KCNAB2: variants seen among roughly 807,000 people sequenced by gnomAD.
The protein encoded by KCNAB2 is voltage-gated potassium channel subunit beta-2.
Under a neutral mutation model 63.6 loss-of-function variants are expected in KCNAB2, and 29 were observed. The ratio of observed to expected loss-of-function variants is 0.46; its 90% CI spans 0.34 to 0.62. The LOEUF (loss-of-function observed/expected upper bound fraction) is 0.62. Among genes scored for constraint, KCNAB2 ranks in the 20% least tolerant of loss-of-function variants. The pLI is 0.01. For missense variants in KCNAB2, 359 were observed against 563.9 expected, an observed-to-expected ratio of 0.64 and a Z score of 3.68; for synonymous variants, 222 against 224.2, an observed-to-expected ratio of 0.99 and a Z score of 0.09.
chr1:6,087,429 G>A lies in KCNAB2; in HGVS notation c.426-38G>A, dbSNP rs200322816. Reference sequence around the variant, plus strand: ...GATGAAGGAGGACCCCCCAGGGGCCGGGCTTATCACACCCCTTCTTTCTCT... The same window carrying A: ...GATGAAGGAGGACCCCCCAGGGGCCAGGCTTATCACACCCCTTCTTTCTCT... On this transcript the variant is annotated intron_variant, in intron 6 of 15. Transcript: ENST00000378083. This position sits in a 1 kb window ranked among gnomAD's most constrained non-coding sequence, Gnocchi z 6.4. The A allele has an allele frequency of 5.4e-5, 87 of 1,610,772 alleles. No homozygotes were observed. Among genetic ancestry groups the A allele is most frequent in the African/African-American group, 5.2e-4 (39 of 74,988 alleles).
rs768085344 is a variant in KCNAB2, at chr1:6,100,164, G to A, written c.*1590G>A. 5 of 1,319,986 alleles carry A rather than the reference G, an allele frequency of 3.8e-6. No individual in the cohort carries two copies. Among genetic ancestry groups the A allele is most frequent in the Non-Finnish European group, 4.0e-6 (4 of 1,011,028 alleles). The allele number at this position is 1,319,986 out of a possible 1,614,324, so 81.8% of individuals were successfully genotyped here. On this transcript the variant is annotated 3_prime_UTR_variant, in exon 16 of 16. Coordinates refer to ENST00000378083, the MANE Select transcript of KCNAB2 (RefSeq NM_001199862.2). The stretch of plus-strand genomic sequence containing the variant: ...GAGCCTGCTGTCCAGTCCTGGCCGG[G>A]CCAAGGCCTGGGAAACTGTGAAAGT...
intron 1 of KCNAB2, among the ~76,000 whole-genome samples, chr1:6,020,508 T>C (rs1040873668): frequency 2.6e-5 from 4 of 151,992 alleles, no homozygotes; most frequent in African/African-American, 4.8e-5. Context: ...CGCGTCCCTT[T>C]CCAAGCAGAA....
At chr1:6,001,941 C>CTCGATG (rs1450053217) in intron 1 of KCNAB2, among the ~76,000 whole-genome samples, 1 of 152,172 alleles carries the variant, frequency 6.6e-6, no homozygotes, top group African/African-American at 2.4e-5. Flanking sequence ...ACTGAGCCCC[C>CTCGATG]TCGATGTCCT....
chr1:6,049,510 C>T (rs1465927547), intron 1 of KCNAB2, among the ~76,000 whole-genome samples: 1 of 152,190 alleles, frequency 6.6e-6, no homozygotes, highest in Non-Finnish European at 1.5e-5. Context: ...GCCCCCCCAC[C>T]CCCGGGAGCC....
At chr1:6,056,054 T>G (rs1570975437) in intron 2 of KCNAB2, among the ~76,000 whole-genome samples, 1 of 77,264 alleles carries the variant, frequency 1.3e-5, no homozygotes, top group South Asian at 3.6e-4. Context: ...ACTTCCCCAG[T>G]TTTTTTTTGA....
At chr1:6,080,514 G>T (rs555090502) in intron 4 of KCNAB2, among the ~76,000 whole-genome samples, 1 of 152,186 alleles carries the variant, frequency 6.6e-6, no homozygotes, top group Non-Finnish European at 1.5e-5. Flanking sequence ...CCTGAAAACC[G>T]ACGGCCTCCA....
At position 6,098,793 on chromosome 1, in the gene KCNAB2, G is replaced by C. The variant is rs996326569; in HGVS notation, c.*219G>C. 3 of 553,082 alleles carry C rather than the reference G, an allele frequency of 5.4e-6. No individual in the cohort carries two copies. 34.3% of individuals were successfully genotyped at this position (553,082 alleles called of 1,614,324 possible). ...CCAGTCTGTGCCGGGGAAGGCACTG[G>C]TTAGGAAGGATGTTCAAACGGTCCC... On this transcript the variant is annotated 3_prime_UTR_variant, in exon 16 of 16. Transcript: ENST00000378083.
rs1444806941 is a variant in KCNAB2 at position 6,071,756 on chromosome 1, C to T, written c.219-999C>T. ...CTGCGGCGAGGGCTCCCTCCTGCCGCGTGGGCTCCTCCTGCCGCGTGGGCT... is the reference window on the plus strand; with the variant it reads ...CTGCGGCGAGGGCTCCCTCCTGCCGTGTGGGCTCCTCCTGCCGCGTGGGCT... On this transcript the variant is annotated intron_variant, in intron 2 of 15. Coordinates refer to ENST00000378083, the MANE Select transcript of KCNAB2 (RefSeq NM_001199862.2). The surrounding 1 kb of genome is among the most constrained non-coding windows in gnomAD (Gnocchi z 8.5). Among the ~76,000 whole-genome samples, 4 of 151,634 alleles carry T rather than the reference C, an allele frequency of 2.6e-5. No homozygotes were observed. Among genetic ancestry groups the T allele is most frequent in the Non-Finnish European group, 4.4e-5 (3 of 67,846 alleles).
intron 2 of KCNAB2, among the ~76,000 whole-genome samples, chr1:6,072,454 G>T (rs190990568): frequency 8.5e-5 from 13 of 152,192 alleles, no homozygotes; most frequent in African/African-American, 3.1e-4. Flanking sequence ...GTCCAGTTTC[G>T]CCATAAAACA....
chr1:6,017,406 C>CTGTG (rs56202547), intron 1 of KCNAB2, among the ~76,000 whole-genome samples: 1,578 of 147,278 alleles, frequency 0.011, 21 homozygotes, highest in African/African-American at 0.031. Flanking sequence ...CCATACCTGG[C>CTGTG]TGTGTGTGTG....
intron 1 of KCNAB2, among the ~76,000 whole-genome samples, chr1:6,014,235 G>A (rs1031828597): frequency 1.3e-5 from 2 of 152,176 alleles, no homozygotes; most frequent in African/African-American, 4.8e-5. Flanking sequence ...GTACTGGGAG[G>A]GCACTTCCTG....
rs538947656 is a variant in KCNAB2, at chr1:6,078,603, G to A, written c.301-3592G>A. Among the ~76,000 whole-genome samples, 7 of 152,142 alleles carry A rather than the reference G, an allele frequency of 4.6e-5. No homozygotes were observed. The highest frequency in any genetic ancestry group is 2.1e-4 in the South Asian group (1 of 4,824). ...AAGGGGATGCAGGGGATAGAGCTGG[G>A]GGTCAGGGTGCAGATCTGGTGGAGA... On this transcript the variant is annotated intron_variant, in intron 4 of 15. Coordinates refer to ENST00000378083, the MANE Select transcript of KCNAB2 (RefSeq NM_001199862.2). The surrounding 1 kb of genome is among the most constrained non-coding windows in gnomAD (Gnocchi z 4.2).
chr1:6,081,038 C>G (rs1664165673), intron 4 of KCNAB2, among the ~76,000 whole-genome samples: 2 of 152,234 alleles, frequency 1.3e-5, no homozygotes, highest in African/African-American at 4.8e-5. Flanking sequence ...GCACCTTTCT[C>G]TCCGGCCTCT....
intron 1 of KCNAB2, among the ~76,000 whole-genome samples, chr1:6,049,239 C>T (rs1216686390): frequency 6.6e-6 from 1 of 152,204 alleles, no homozygotes; most frequent in East Asian, 1.9e-4. Flanking sequence ...GCCTTGGTTG[C>T]TGTTCTACAA....
At chr1:6,050,039 A>C (rs1342538673) in intron 1 of KCNAB2, among the ~76,000 whole-genome samples, 5 of 152,100 alleles carry the variant, frequency 3.3e-5, no homozygotes, top group Non-Finnish European at 1.5e-5. Context: ...TGGCCCCTGG[A>C]GCTCACCCCA....
At chr1:6,092,528 G>T (rs1665274766) in intron 10 of KCNAB2, among the ~76,000 whole-genome samples, 1 of 152,238 alleles carries the variant, frequency 6.6e-6, no homozygotes, top group Non-Finnish European at 1.5e-5. Flanking sequence ...GTGGACCTAA[G>T]CCTTGGCTGA....
intron 1 of KCNAB2, among the ~76,000 whole-genome samples, chr1:6,037,518 G>GC (rs767911048): frequency 6.6e-6 from 1 of 152,218 alleles, no homozygotes. Context: ...ACTCAGGGGA[G>GC]CCTGGGGGCA....
At position 6,085,693 on chromosome 1, in the gene KCNAB2, G is replaced by A. The variant is rs11803513; in HGVS notation, c.425+445G>A. 3,364 of 347,426 alleles carry A rather than the reference G, an allele frequency of 9.7e-3. 119 individuals are homozygous for A. The highest frequency in any genetic ancestry group is 0.07 in the African/African-American group (3,194 of 45,440). 21.5% of individuals were successfully genotyped at this position (347,426 alleles called of 1,614,324 possible). ...GGGCCAGAGAAGGGAGTGGCTCAGA[G>A]AGCTTGGGGGCCTGGGGTTGGATCC... On this transcript the variant is annotated intron_variant, in intron 6 of 15. Transcript: ENST00000378083.
chr1:6,008,473 T>A (rs1439747147), intron 1 of KCNAB2, among the ~76,000 whole-genome samples: 1 of 151,832 alleles, frequency 6.6e-6, no homozygotes, highest in Non-Finnish European at 1.5e-5. Context: ...ATACAAAAAT[T>A]ACCCAGGCAT....
Sources: allele counts gnomAD v4.1 joint callset (sites outside exome capture counted in the v4.1 genomes callset), GRCh38; gene constraint gnomAD v4.1.1; non-coding constraint Gnocchi (gnomAD v3.1); transcripts MANE v1.5; gene names NCBI Gene and HGNC (gene_info 2026-07-23, HGNC 2026-07-21).